The following GRIP1 variants were observed in gnomAD, a reference collection of about 807,000 sequenced individuals.
GRIP1 encodes the protein glutamate receptor interacting protein 1, also known as glutamate receptor-interacting protein 1.
In GRIP1, 45 loss-of-function variants were observed where a neutral mutation model predicts 129.9. The ratio of observed to expected loss-of-function variants is 0.35; its 90% CI spans 0.27 to 0.44. The LOEUF is 0.44. Among genes scored for constraint, GRIP1 ranks in the 20% least tolerant of loss-of-function variants. The pLI, the probability that GRIP1 is intolerant of heterozygous loss-of-function variation, is 1.00. For missense variants in GRIP1, 1,196 were observed against 1,396.8 expected (o/e 0.86, Z 2.29); for synonymous variants, 530 against 520.8 (o/e 1.02, Z -0.24).
chr12:66,664,826 G>A lies in GRIP1; in HGVS notation c.55+14024C>T, dbSNP rs921957375. Among the ~76,000 whole-genome samples the A allele has an allele frequency of 9.3e-4, 141 of 151,946 alleles. 1 individual carries two copies. Among genetic ancestry groups the A allele is most frequent in the African/African-American group, 3.3e-3 (137 of 41,392 alleles). ...TGTTAATATTACTTTTAATCGTTTT[G>A]TTTTTCTCTTTTTAATGTTAATGGT... On this transcript the variant is annotated intron_variant, in intron 1 of 24. Coordinates refer to ENST00000359742, the MANE Select transcript of GRIP1 (RefSeq NM_001366722.1).
chr12:66,972,965 G>A (rs1253315838), intron 1 of GRIP1, among the ~76,000 whole-genome samples: 2 of 152,154 alleles, frequency 1.3e-5, no homozygotes, highest in South Asian at 2.1e-4. Context: ...AAAGAAAAAT[G>A]GGATACAATG....
intron 1 of GRIP1, among the ~76,000 whole-genome samples, chr12:66,601,508 A>T (rs1306640860): frequency 6.6e-6 from 1 of 152,194 alleles, no homozygotes; most frequent in African/African-American, 2.4e-5. Context: ...ATATGGTTTC[A>T]GGAATCTCTA....
intron 1 of GRIP1, among the ~76,000 whole-genome samples, chr12:66,641,650 A>G (rs187649502): frequency 3.3e-5 from 5 of 152,212 alleles, no homozygotes; most frequent in Admixed American, 1.3e-4. Flanking sequence ...AGCTGAGACA[A>G]GCTCTGAGGA....
chr12:66,941,341 G>C (rs2041582260), intron 1 of GRIP1, among the ~76,000 whole-genome samples: 1 of 152,132 alleles, frequency 6.6e-6, no homozygotes, highest in Admixed American at 6.5e-5. Context: ...CAGTCTTCTA[G>C]GCCACACTGG....
chr12:67,001,009 G>A (rs913304004), intron 1 of GRIP1, among the ~76,000 whole-genome samples: 5 of 151,980 alleles, frequency 3.3e-5, no homozygotes, highest in Non-Finnish European at 5.9e-5. Context: ...ATTTTATCTG[G>A]CAACTTATCC....
intron 17 of GRIP1, among the ~76,000 whole-genome samples, chr12:66,393,129 A>C (rs932912252): frequency 2.2e-4 from 33 of 151,860 alleles, no homozygotes; most frequent in Non-Finnish European, 3.8e-4. Flanking sequence ...GTTGAATGAC[A>C]AATGTAGTGG....
intron 1 of GRIP1, among the ~76,000 whole-genome samples, chr12:66,850,851 A>T (rs2039898539): frequency 6.6e-6 from 1 of 150,910 alleles, no homozygotes; most frequent in Non-Finnish European, 1.5e-5. Context: ...TATGAATGTG[A>T]CCTCTCTCCT....
chr12:66,700,068 T>C (rs1299785155), intron 1 of GRIP1, among the ~76,000 whole-genome samples: 4 of 152,096 alleles, frequency 2.6e-5, no homozygotes, highest in Admixed American at 1.3e-4. Context: ...AGTATTGTAG[T>C]AGCAGCAGAA....
At chr12:66,372,146 C>T (rs753479749) in intron 22 of GRIP1, 9 of 602,176 alleles carry the variant, frequency 1.5e-5, no homozygotes, top group Non-Finnish European at 2.4e-5. Flanking sequence ...AATTTAAGTA[C>T]TTAAGCCATT....
chr12:66,970,273 G>C (rs2042053647), intron 1 of GRIP1, among the ~76,000 whole-genome samples: 1 of 152,070 alleles, frequency 6.6e-6, no homozygotes, highest in African/African-American at 2.4e-5. Context: ...GTATAGATGG[G>C]GTTTTACCAT....
At chr12:66,476,358 A>T (rs1032819101) in intron 7 of GRIP1, among the ~76,000 whole-genome samples, 1 of 152,210 alleles carries the variant, frequency 6.6e-6, no homozygotes, top group African/African-American at 2.4e-5. Context: ...AGGCTCTGAA[A>T]TTGAAGCAAT....
intron 1 of GRIP1, among the ~76,000 whole-genome samples, chr12:66,775,395 A>C (rs2037948035): frequency 6.6e-6 from 1 of 152,212 alleles, no homozygotes; most frequent in Non-Finnish European, 1.5e-5. Flanking sequence ...AAGTTGTAGA[A>C]TCATTCCCCT....
intron 1 of GRIP1, among the ~76,000 whole-genome samples, chr12:66,711,161 T>C (rs2035699957): frequency 6.6e-6 from 1 of 151,910 alleles, no homozygotes; most frequent in Non-Finnish European, 1.5e-5. Flanking sequence ...ATTCTTGCTA[T>C]TAGAAAAGTC....
At chr12:66,409,467 A>G (rs753369045) in intron 15 of GRIP1, among the ~76,000 whole-genome samples, 1 of 152,242 alleles carries the variant, frequency 6.6e-6, no homozygotes, top group Non-Finnish European at 1.5e-5. Flanking sequence ...GTGTTACTGG[A>G]CTTGGGGTGC....
chr12:66,481,693 C>G (rs548709858), intron 7 of GRIP1, among the ~76,000 whole-genome samples: 168 of 152,236 alleles, frequency 1.1e-3, no homozygotes, highest in Admixed American at 1.8e-3. Flanking sequence ...GACTTGGAAC[C>G]AACCCAAATG....
chr12:66,853,121 G>A (rs1030770049), intron 1 of GRIP1, among the ~76,000 whole-genome samples: 7 of 151,564 alleles, frequency 4.6e-5, no homozygotes, highest in Non-Finnish European at 8.8e-5. Flanking sequence ...TAAACCAAAC[G>A]TGAGGAGCTT....
chr12:66,606,302 T>A (rs2064524741), intron 1 of GRIP1, among the ~76,000 whole-genome samples: 1 of 151,168 alleles, frequency 6.6e-6, no homozygotes, highest in Non-Finnish European at 1.5e-5. Flanking sequence ...TGGTTGTATG[T>A]AAGGGGTATA....
chr12:66,836,985 G>C (rs2039625893), intron 1 of GRIP1, among the ~76,000 whole-genome samples: 1 of 152,226 alleles, frequency 6.6e-6, no homozygotes, highest in South Asian at 2.1e-4. Context: ...GGAGGTTGGA[G>C]AGAAGGGAAT....
intron 1 of GRIP1, among the ~76,000 whole-genome samples, chr12:66,944,969 T>C (rs2041644056): frequency 6.6e-6 from 1 of 152,020 alleles, no homozygotes; most frequent in Non-Finnish European, 1.5e-5. Flanking sequence ...ATTTTTGTAT[T>C]TTTAGTAGAG....
Sources: allele counts gnomAD v4.1 joint callset (sites outside exome capture counted in the v4.1 genomes callset), GRCh38; gene constraint gnomAD v4.1.1; transcripts MANE v1.5; gene names NCBI Gene and HGNC (gene_info 2026-07-23, HGNC 2026-07-21).